NAPA: variants seen among roughly 807,000 people sequenced by gnomAD.
NAPA encodes the protein alpha-soluble NSF attachment protein.
A neutral mutation model predicts 48.0 loss-of-function variants in NAPA; 18 were observed. That is an observed-to-expected ratio of 0.38 (90% CI 0.26 to 0.56). NAPA has a LOEUF of 0.56. Among genes scored for constraint, NAPA ranks in the 20% least tolerant of loss-of-function variants. NAPA has a pLI of 0.77. For synonymous variants in NAPA, 152 were observed against 149.9 expected, an observed-to-expected ratio of 1.01 and a Z score of -0.10; for missense variants, 315 against 385.0, an observed-to-expected ratio of 0.82 and a Z score of 1.52.
chr19:47,492,356 A>T (rs1232003399), intron 7 of NAPA: 1 of 524,710 alleles, frequency 1.9e-6, no homozygotes, highest in South Asian at 2.2e-5. Context: ...GGCTGTAGCC[A>T]GGTGTTCGTG....
chr19:47,495,575 C>G lies in NAPA; in HGVS notation c.317G>C (p.Arg106Pro), dbSNP rs758541830. ...DPQEAINCLM[R>P]AIEIYTDMGR... ...CATGTCTGTGTAGATCTCGATTGCT[C>G]GCATCAAACAGTTAATGGCCTCTGG... The change falls in exon 4 of 11, where the codon CGA becomes CCA. Residue 106 changes from arginine (R) to proline (P), a missense_variant. Arg to Pro is a moderately radical substitution (Grantham distance 103, BLOSUM62 -2). Around this residue, in one of 3 missense-constraint regions of NAPA, gnomAD observed 173 missense variants for 213.5 expected, o/e 0.81. Transcript: ENST00000263354. 2.3e-5 allele frequency: 36 copies of G among 1,542,726 alleles called. No homozygotes were observed. Among genetic ancestry groups the G allele is most frequent in the Middle Eastern group, 1.7e-4 (1 of 5,850 alleles).
At chr19:47,497,322 CTGGCACT>C (rs1968454719) in intron 3 of NAPA, 1 of 153,856 alleles carries the variant, frequency 6.5e-6, no homozygotes, top group Non-Finnish European at 1.4e-5. Context: ...CCTGGGCCTG[CTGGCACT>C]GGCTCTGGAG....
downstream of NAPA, among the ~76,000 whole-genome samples, chr19:47,486,525 T>TC (rs1262270410): frequency 6.6e-6 from 1 of 152,178 alleles, no homozygotes; most frequent in Non-Finnish European, 1.5e-5. Context: ...GCTCTCGAAC[T>TC]CTTGACCTCA....
At chr19:47,502,576 C>T (rs1215059974) in intron 2 of NAPA, among the ~76,000 whole-genome samples, 3 of 152,218 alleles carry the variant, frequency 2.0e-5, no homozygotes, top group Non-Finnish European at 4.4e-5. Flanking sequence ...CATGGTCCCA[C>T]CACCAGGTTC....
At chr19:47,502,272 CAAGAA>C (rs1968595855) in intron 2 of NAPA, among the ~76,000 whole-genome samples, 1 of 127,184 alleles carries the variant, frequency 7.9e-6, no homozygotes, top group African/African-American at 2.9e-5. Flanking sequence ...AAAAAAATTT[CAAGAA>C]AAGGGGATAT....
At chr19:47,505,727 G>A (rs1270017926) in intron 1 of NAPA, among the ~76,000 whole-genome samples, 1 of 152,256 alleles carries the variant, frequency 6.6e-6, no homozygotes, top group East Asian at 1.9e-4. Flanking sequence ...GGGCGGGCTG[G>A]TTGGGCCAGG....
At position 47,493,191 on chromosome 19, in the gene NAPA, G is replaced by A. The variant is rs557428771; in HGVS notation, c.421-17C>T. ...GGCAATGGCCTGGGGAGACACGGGG[G>A]ATGGGTTCCAGGGGAGGGCAGGGAA... On this transcript the variant is annotated splice_polypyrimidine_tract_variant and intron_variant, in intron 5 of 10. Coordinates refer to ENST00000263354, the MANE Select transcript of NAPA (RefSeq NM_003827.4). This position sits in a 1 kb window ranked among gnomAD's most constrained non-coding sequence, Gnocchi z 6.4. The A allele has an allele frequency of 1.9e-5, 30 of 1,577,188 alleles. No homozygotes were observed. In the African/African-American group the frequency reaches 3.9e-4, roughly 20 times the overall value.
chr19:47,491,939 G>T, intron 8 of NAPA, 76 bp downstream of exon 8: 3 of 1,341,874 alleles, frequency 2.2e-6, no homozygotes, highest in Non-Finnish European at 2.1e-6. Flanking sequence ...TCCCTCTTCG[G>T]GGGCAACGGG....
At chr19:47,505,994 C>CTTTT (rs760461648) in intron 1 of NAPA, among the ~76,000 whole-genome samples, 4 of 126,942 alleles carry the variant, frequency 3.2e-5, no homozygotes, top group Admixed American at 8.0e-5. Context: ...GGAGTGACTT[C>CTTTT]TTTTTTTTTT....
intron 1 of NAPA, 114 bp downstream of exon 1, chr19:47,514,729 G>T (rs1455130407): frequency 5.4e-5 from 52 of 967,216 alleles, no homozygotes; most frequent in Non-Finnish European, 8.1e-5. Flanking sequence ...CTTATTGCAG[G>T]TTCCTCTCCG....
intron 1 of NAPA, 97 bp from the exon 2 acceptor site, chr19:47,503,599 C>G (rs930034466): frequency 1.7e-6 from 2 of 1,153,262 alleles, no homozygotes; most frequent in Admixed American, 3.7e-5. Context: ...CGTGCCCCTA[C>G]CCCTCACCCT....
At chr19:47,484,704 CTATTTT>C (rs1968018789), downstream of NAPA, among the ~76,000 whole-genome samples, 1 of 145,598 alleles carries the variant, frequency 6.9e-6, no homozygotes, top group Non-Finnish European at 1.5e-5. Context: ...CCACAGTTCA[CTATTTT>C]TTTTTTTTTT....
At chr19:47,514,673 C>G (rs1968870845) in intron 1 of NAPA, among the ~76,000 whole-genome samples, 170 bp downstream of exon 1, 1 of 152,170 alleles carries the variant, frequency 6.6e-6, no homozygotes, top group Non-Finnish European at 1.5e-5. Context: ...GGCCCAGGCT[C>G]TTGGCCCTCA....
intron 1 of NAPA, among the ~76,000 whole-genome samples, chr19:47,505,145 C>T (rs1193781327): frequency 6.6e-6 from 1 of 152,192 alleles, no homozygotes. Context: ...CTCCCAATAT[C>T]TACATAATCA....
intron 10 of NAPA, chr19:47,488,835 TG>T (rs1355921353): frequency 6.6e-6 from 1 of 150,974 alleles, no homozygotes; most frequent in Admixed American, 6.7e-5. Flanking sequence ...GAGAATGGCG[TG>T]AACCCGGGAG....
chr19:47,493,600 A>C lies in NAPA; in HGVS notation c.343-107T>G. 1 of 920,154 alleles carries C rather than the reference A, an allele frequency of 1.1e-6. No homozygotes were observed. The highest frequency in any genetic ancestry group is 1.8e-6 in the Non-Finnish European group (1 of 565,118). 57.0% of individuals were successfully genotyped at this position (920,154 alleles called of 1,614,324 possible). A position where few individuals can be genotyped will look rare whatever the true frequency, so the allele number is the denominator to read the frequency against. On this transcript the variant is annotated intron_variant, in intron 4 of 10. Transcript: ENST00000263354. The surrounding 1 kb of genome is among the most constrained non-coding windows in gnomAD (Gnocchi z 6.4). Reference sequence around the variant, plus strand: ...CCACCCCTCAGCCACGCCTGTGAGGAGGTATGAAGAAGACCTGAGGTGTGA... The same window carrying C: ...CCACCCCTCAGCCACGCCTGTGAGGCGGTATGAAGAAGACCTGAGGTGTGA...
intron 10 of NAPA, chr19:47,488,916 CAA>C (rs71334209): frequency 1.9e-4 from 18 of 95,224 alleles, no homozygotes; most frequent in Non-Finnish European, 1.6e-4. Flanking sequence ...GACTCCGTCT[CAA>C]AAAAAAAAAA....
chr19:47,486,271 C>T (rs1377072220), downstream of NAPA, among the ~76,000 whole-genome samples: 1 of 152,084 alleles, frequency 6.6e-6, no homozygotes, highest in Non-Finnish European at 1.5e-5. Context: ...AGGAGAATCG[C>T]TTGAACCCGG....
At position 47,491,955 on chromosome 19, in the gene NAPA, G is replaced by A. The variant is rs1968278279; in HGVS notation, c.666+60C>T. The stretch of plus-strand genomic sequence containing the variant: ...CCCTCTTCGGGGGCAACGGGACCTG[G>A]CCTGGAGATAAGCACATGGTGGCCT... On this transcript the variant is annotated intron_variant, in intron 8 of 10. Coordinates refer to ENST00000263354, the MANE Select transcript of NAPA (RefSeq NM_003827.4). 3 of 1,488,222 alleles carry A rather than the reference G, an allele frequency of 2.0e-6. No individual in the cohort carries two copies. The African/African-American group carries it at 4.1e-5, about 21-fold the overall frequency. 92.2% of individuals were successfully genotyped at this position (1,488,222 alleles called of 1,614,324 possible).
Sources: gnomAD v4.1 joint callset for allele counts (sites outside exome capture counted in the v4.1 genomes callset) on GRCh38, gnomAD v4.1.1 for gene constraint, gnomAD v4.1.1 regional missense constraint, Gnocchi (gnomAD v3.1) non-coding constraint, MANE v1.5 for transcripts, NCBI Gene and HGNC (gene_info 2026-07-23, HGNC 2026-07-21) for gene names.